KBTBD8: variants seen among roughly 807,000 people sequenced by gnomAD.
KBTBD8 encodes kelch repeat and BTB domain-containing protein 8.
In KBTBD8, 31 loss-of-function variants were observed where a neutral mutation model predicts 53.5. That is an observed-to-expected ratio of 0.58 (90% CI 0.44 to 0.78). KBTBD8 has a LOEUF of 0.78. Ranked by LOEUF, KBTBD8 falls within the 30% of genes least tolerant of loss-of-function variation. KBTBD8 has a pLI of 0.00. For missense variants in KBTBD8, 642 were observed against 735.8 expected (o/e 0.87, Z 1.48); for synonymous variants, 250 against 247.3 (o/e 1.01, Z -0.10).
chr3:67,006,796 C>T (rs1243389035), intron 3 of KBTBD8, among the ~76,000 whole-genome samples: 2 of 152,200 alleles, frequency 1.3e-5, no homozygotes, highest in Admixed American at 6.5e-5. Flanking sequence ...TAGTCAGAAG[C>T]TTATGTTGTA....
chr3:67,004,337 A>G (rs751089263), intron 3 of KBTBD8, 28 bp downstream of exon 3: 3 of 1,593,914 alleles, frequency 1.9e-6, no homozygotes, highest in Non-Finnish European at 2.6e-6. Flanking sequence ...TTAGTTTTTC[A>G]TGGAAGGGTA....
chr3:67,004,273 G>A lies in KBTBD8; in HGVS notation c.1306G>A (p.Ala436Thr). 1 of 1,614,162 alleles carries A rather than the reference G, an allele frequency of 6.2e-7. No homozygotes were observed. Among genetic ancestry groups the A allele is most frequent in the Non-Finnish European group, 8.5e-7 (1 of 1,179,992 alleles). The change falls in exon 3 of 4, where the codon GCT becomes ACT. Residue 436 changes from alanine to threonine, a missense_variant. Coordinates refer to ENST00000417314, the MANE Select transcript of KBTBD8 (RefSeq NM_032505.3). ...AMPVAMEFHN[A>T]VEYKEKIYVL... ...GCCAGTTGCAATGGAATTTCATAAT[G>A]CTGTGGAGTACAAAGAGAAGATCTA...
At position 67,004,000 on chromosome 3, in the gene KBTBD8, C is replaced by G. The variant is rs750833260; in HGVS notation, c.1033C>G (p.Pro345Ala). 2 of 1,614,108 alleles carry G rather than the reference C, an allele frequency of 1.2e-6. No individual in the cohort carries two copies. Among genetic ancestry groups the G allele is most frequent in the Non-Finnish European group, 1.7e-6 (2 of 1,180,010 alleles). Residue 345 changes from proline (P) to alanine (A), a missense_variant, in exon 3 of 4, where the codon CCA (proline) becomes GCA (alanine). Pro to Ala is a conservative substitution (Grantham distance 27). Coordinates refer to ENST00000417314, the MANE Select transcript of KBTBD8 (RefSeq NM_032505.3). ...NDIYIAGGYRPSSSEVSIDHK... is the reference protein window; with the variant it reads ...NDIYIAGGYRASSSEVSIDHK... ...CATTTACATTGCAGGAGGGTACAGGCCAAGCAGCAGTGAGGTCTCCATCGA... is the reference window on the plus strand; with the variant it reads ...CATTTACATTGCAGGAGGGTACAGGGCAAGCAGCAGTGAGGTCTCCATCGA...
chr3:67,003,517 A>G lies in KBTBD8; in HGVS notation c.550A>G (p.Lys184Glu). 1 of 1,614,134 alleles carries G rather than the reference A, an allele frequency of 6.2e-7. No homozygotes were observed. Among genetic ancestry groups the G allele is most frequent in the Non-Finnish European group, 8.5e-7 (1 of 1,179,972 alleles). ...TCGTAAAAAGTTTCTGTGTGTCACC[A>G]AAGAACAAGAGTTTCTCCAGTTGAC... ...YIRKKFLCVT[K>E]EQEFLQLTKD... The change falls in exon 3 of 4, where the codon AAA becomes GAA. Residue 184 changes from lysine (K) to glutamate (E), a missense_variant. Transcript: ENST00000417314.
At position 67,003,446 on chromosome 3, in the gene KBTBD8, A is replaced by G; in HGVS notation, c.479A>G (p.Asp160Gly). 1 of 1,614,148 alleles carries G rather than the reference A, an allele frequency of 6.2e-7. No individual in the cohort carries two copies. Among genetic ancestry groups the G allele is most frequent in the Non-Finnish European group, 8.5e-7 (1 of 1,179,998 alleles). ...TCTATTGGGGTCTTTATCTTTGCTG[A>G]TCATTATGGTCATCAGGAACTCGGA... Reference protein sequence around the residue: ...QNSIGVFIFADHYGHQELGDR... With the variant: ...QNSIGVFIFAGHYGHQELGDR... The change falls in exon 3 of 4, where the codon GAT becomes GGT. Residue 160 changes from aspartate (D) to glycine (G), a missense_variant. Transcript: ENST00000417314.
intron 3 of KBTBD8, among the ~76,000 whole-genome samples, chr3:67,007,639 T>C (rs17045713): frequency 0.15 from 23,351 of 151,992 alleles, 1,880 homozygotes; most frequent in African/African-American, 0.2. Context: ...TCTTAACAAT[T>C]CTGCCATCAA....
chr3:66,998,499 G>C, intron 1 of KBTBD8, 128 bp downstream of exon 1: 1 of 753,768 alleles, frequency 1.3e-6, no homozygotes, highest in African/African-American at 1.8e-5. Context: ...CGGTGGAGGG[G>C]AATGAGAAGA....
intron 3 of KBTBD8, among the ~76,000 whole-genome samples, chr3:67,007,078 G>C (rs755161101): frequency 6.6e-6 from 1 of 151,882 alleles, no homozygotes; most frequent in Non-Finnish European, 1.5e-5. Context: ...ATTTCTCTTT[G>C]CATTATAGCA....
At chr3:67,005,263 G>A (rs1048015985) in intron 3 of KBTBD8, among the ~76,000 whole-genome samples, 1 of 152,192 alleles carries the variant, frequency 6.6e-6, no homozygotes, top group African/African-American at 2.4e-5. Context: ...AGGAAAAGGA[G>A]CAGCTTCTAT....
chr3:67,006,657 G>T (rs564882090), intron 3 of KBTBD8, among the ~76,000 whole-genome samples: 3 of 152,172 alleles, frequency 2.0e-5, no homozygotes, highest in Admixed American at 1.3e-4. Flanking sequence ...TCACTGTTAC[G>T]AAGTACGTAG....
At chr3:67,000,715 AAAC>A (rs1702009391) in intron 2 of KBTBD8, among the ~76,000 whole-genome samples, 2 of 152,052 alleles carry the variant, frequency 1.3e-5, no homozygotes, top group Non-Finnish European at 2.9e-5. Flanking sequence ...TGAATAGTAA[AAAC>A]AAAAACAAAA....
intron 2 of KBTBD8, among the ~76,000 whole-genome samples, chr3:67,002,512 C>CTTTTTTTT (rs57174511): frequency 4.8e-4 from 43 of 90,364 alleles, no homozygotes; most frequent in African/African-American, 4.9e-4. Context: ...TATAGGTATT[C>CTTTTTTTT]TTTTTTTTTT....
intron 2 of KBTBD8, among the ~76,000 whole-genome samples, chr3:66,999,468 A>G (rs921590179): frequency 1.1e-4 from 16 of 152,184 alleles, no homozygotes; most frequent in African/African-American, 3.9e-4. Context: ...GTCAGTATGG[A>G]AGCCAGTAGC....
At chr3:67,001,077 T>G (rs1043400661) in intron 2 of KBTBD8, among the ~76,000 whole-genome samples, 2 of 152,200 alleles carry the variant, frequency 1.3e-5, no homozygotes, top group Admixed American at 6.5e-5. Context: ...TTAAATTCTT[T>G]AATTTTGTTA....
rs565012628 is a variant in KBTBD8 at position 67,008,729 on chromosome 3, G to A, written c.*344G>A. On this transcript the variant is annotated 3_prime_UTR_variant, in exon 4 of 4. Coordinates refer to ENST00000417314, the MANE Select transcript of KBTBD8 (RefSeq NM_032505.3). Reference sequence around the variant, plus strand: ...ATTTAGGGTATTATTGGGTAAAGACGTCTAAACTTGTTTGATGTGACTTTT... The same window carrying A: ...ATTTAGGGTATTATTGGGTAAAGACATCTAAACTTGTTTGATGTGACTTTT... 9 of 204,010 alleles carry A rather than the reference G, an allele frequency of 4.4e-5. No individual in the cohort carries two copies. Among genetic ancestry groups the A allele is most frequent in the South Asian group, 2.4e-4 (2 of 8,458 alleles). The allele number at this position is 204,010 out of a possible 1,614,324, so 12.6% of individuals were successfully genotyped here.
rs1426764588 is a variant in KBTBD8 at position 67,004,042 on chromosome 3, G to A, written c.1075G>A (p.Asp359Asn). ...EVSIDHKAEN[D>N]FWMYDHSTNR... is the part of the protein sequence containing the mutation. ...CTCCATCGACCATAAGGCAGAAAAT[G>A]ATTTCTGGATGTATGATCATTCCAC... is the stretch of plus-strand genomic sequence containing the variant. The change falls in exon 3 of 4, where the codon GAT (aspartate) becomes AAT (asparagine). Residue 359 changes from aspartate to asparagine, a missense_variant. Physicochemically the swap from Asp to Asn is conservative, Grantham distance 23 (BLOSUM62 1). Coordinates refer to ENST00000417314, the MANE Select transcript of KBTBD8 (RefSeq NM_032505.3). The A allele has an allele frequency of 6.2e-7, 1 of 1,614,196 alleles. No individual in the cohort carries two copies. The highest frequency in any genetic ancestry group is 8.5e-7 in the Non-Finnish European group (1 of 1,180,044).
In KBTBD8 at chr3:66,998,354, A is replaced by ATCTAC; in HGVS notation, c.-2_-1insTCTAC. ...TAGCTGGAGTCGGGGCCCCATCGAGAAATGGCCGCGTCGGCAGGTGGGTCG... is the reference window on the plus strand; with the variant it reads ...TAGCTGGAGTCGGGGCCCCATCGAGATCTACAATGGCCGCGTCGGCAGGTGGGTCG... On this transcript the variant is annotated 5_prime_UTR_variant, in exon 1 of 4. Coordinates refer to ENST00000417314, the MANE Select transcript of KBTBD8 (RefSeq NM_032505.3). The ATCTAC allele has an allele frequency of 7.7e-7, 1 of 1,293,906 alleles. No individual in the cohort carries two copies. The highest frequency in any genetic ancestry group is 9.9e-7 in the Non-Finnish European group (1 of 1,012,120). The allele number at this position is 1,293,906 out of a possible 1,614,324, so 80.2% of individuals were successfully genotyped here.
intron 2 of KBTBD8, among the ~76,000 whole-genome samples, chr3:67,000,173 C>G (rs1702004737): frequency 6.6e-6 from 1 of 152,296 alleles, no homozygotes; most frequent in South Asian, 2.1e-4. Flanking sequence ...GTTCCTCTTT[C>G]TCAGAATACT....
intron 2 of KBTBD8, 46 bp downstream of exon 2, chr3:66,999,237 CT>C (rs1428134030): frequency 7.1e-7 from 1 of 1,409,872 alleles, no homozygotes; most frequent in South Asian, 1.2e-5. Context: ...ACCAAGCTCC[CT>C]TTCCCCCTCA....
Sources: allele counts gnomAD v4.1 joint callset (sites outside exome capture counted in the v4.1 genomes callset), GRCh38; gene constraint gnomAD v4.1.1; transcripts MANE v1.5; gene names NCBI Gene and HGNC (gene_info 2026-07-23, HGNC 2026-07-21).